The following RPL7L1 variants were observed in gnomAD, a reference collection of about 807,000 sequenced individuals.
RPL7L1 encodes ribosomal protein L7 like 1.
In RPL7L1, 20 loss-of-function variants were observed where a neutral mutation model predicts 30.3. The observed-to-expected ratio is 0.66, with a 90% CI of 0.46 to 0.96. RPL7L1 has a LOEUF of 0.96. RPL7L1 is among the 40% of genes least tolerant of loss of function. RPL7L1 has a pLI of 0.00. For missense variants in RPL7L1, 271 were observed against 314.9 expected, an observed-to-expected ratio of 0.86 and a Z score of 1.05; for synonymous variants, 107 against 110.1, an observed-to-expected ratio of 0.97 and a Z score of 0.18.
At position 42,886,091 on chromosome 6, in the gene RPL7L1, C is replaced by G. The variant is rs1310290688; in HGVS notation, c.559+8C>G. On this transcript the variant is annotated splice_region_variant and intron_variant, in intron 5 of 5. Transcript: ENST00000493763. ...TGATTGAGGAGCACCTGGGTGAGTG[C>G]TACAGCTTAGGGATCAGCTGGGGCA... is the stretch of plus-strand genomic sequence containing the variant. The G allele has an allele frequency of 2.0e-6, 3 of 1,522,880 alleles. No homozygotes were observed. Among genetic ancestry groups the G allele is most frequent in the Non-Finnish European group, 2.7e-6 (3 of 1,099,966 alleles). The allele number at this position is 1,522,880 out of a possible 1,614,324, so 94.3% of individuals were successfully genotyped here. A position where few individuals can be genotyped will look rare whatever the true frequency, so the allele number is the denominator to read the frequency against.
rs1467998401 is a variant in RPL7L1, at chr6:42,888,262, C to T, written c.*1798C>T. The T allele has an allele frequency of 6.6e-6, 1 of 152,280 alleles. No homozygotes were observed. The highest frequency in any genetic ancestry group is 1.5e-5 in the Non-Finnish European group (1 of 68,110). The allele number at this position is 152,280 out of a possible 1,614,324, so 9.4% of individuals were successfully genotyped here. ...CTCCACCTCCTGGGTTCAAGTGATTCTGCCTCAGCCCCTTGATCAGCTGGG... is the reference window on the plus strand; with the variant it reads ...CTCCACCTCCTGGGTTCAAGTGATTTTGCCTCAGCCCCTTGATCAGCTGGG... On this transcript the variant is annotated 3_prime_UTR_variant, in exon 6 of 6. Coordinates refer to ENST00000493763, the MANE Select transcript of RPL7L1 (RefSeq NM_001366481.3).
At chr6:42,886,230 G>A in intron 5 of RPL7L1, 26 bp from the exon 6 acceptor site, 1 of 1,592,604 alleles carries the variant, frequency 6.3e-7, no homozygotes, top group Non-Finnish European at 8.6e-7. Context: ...GTTAAATAAA[G>A]GAATCTGTGC....
intron 2 of RPL7L1, chr6:42,882,695 G>A (rs778343942): frequency 2.0e-5 from 3 of 151,854 alleles, no homozygotes; most frequent in Non-Finnish European, 4.4e-5. Context: ...ATCTCCTGAA[G>A]TCAGGAGTTT....
Position 42,886,601 on chromosome 6 carries a change from A to G in RPL7L1, c.*137A>G, listed in dbSNP as rs1246234988. ...ATTGGGAGGAATAGAGGAGGCTGGT[A>G]CAAATAGATGGAGACCTGCTGGGAT... On this transcript the variant is annotated 3_prime_UTR_variant, in exon 6 of 6. Coordinates refer to ENST00000493763, the MANE Select transcript of RPL7L1 (RefSeq NM_001366481.3). 13 of 638,476 alleles carry G rather than the reference A, an allele frequency of 2.0e-5. No individual in the cohort carries two copies. The highest frequency in any genetic ancestry group is 3.6e-5 in the Non-Finnish European group (13 of 360,350). 39.6% of individuals were successfully genotyped at this position (638,476 alleles called of 1,614,324 possible).
Position 42,889,554 on chromosome 6 carries a change from G to A in RPL7L1, c.*3090G>A, listed in dbSNP as rs1159906359. 6.6e-6 allele frequency: 1 copy of A among 152,204 alleles called. No individual in the cohort carries two copies. Among genetic ancestry groups the A allele is most frequent in the African/African-American group, 2.4e-5 (1 of 41,300 alleles). The allele number at this position is 152,204 out of a possible 1,614,324, so 9.4% of individuals were successfully genotyped here. On this transcript the variant is annotated 3_prime_UTR_variant, in exon 6 of 6. Transcript: ENST00000493763. ...TGTTACTCCTATACTGTAAAACATT[G>A]TGAAATCAGATTACTTTAAAATGAT...
intron 3 of RPL7L1, 87 bp downstream of exon 3, chr6:42,883,701 C>CA: frequency 9.0e-7 from 1 of 1,111,480 alleles, no homozygotes; most frequent in Non-Finnish European, 1.3e-6. Flanking sequence ...GATAATATGC[C>CA]CCAAGCCACT....
At chr6:42,885,585 GAGT>G (rs992543100) in intron 4 of RPL7L1, 1 of 166,650 alleles carries the variant, frequency 6.0e-6, no homozygotes, top group Non-Finnish European at 1.3e-5. Flanking sequence ...AAAAAAAAAA[GAGT>G]AGTATTCCTC....
At chr6:42,880,752 A>T (rs1766042046) in intron 1 of RPL7L1, 109 bp from the exon 2 acceptor site, 1 of 587,988 alleles carries the variant, frequency 1.7e-6, no homozygotes, top group East Asian at 3.0e-5. Flanking sequence ...ACCTCAGGTA[A>T]TCCACCCACC....
intron 4 of RPL7L1, 61 bp downstream of exon 4, chr6:42,884,811 C>G (rs376142354): frequency 3.3e-6 from 5 of 1,509,870 alleles, no homozygotes; most frequent in East Asian, 4.5e-5. Context: ...TCAGGGTGCA[C>G]CGGGTATTGC....
intron 3 of RPL7L1, 60 bp downstream of exon 3, chr6:42,883,674 A>G: frequency 7.1e-7 from 1 of 1,418,254 alleles, no homozygotes; most frequent in South Asian, 1.4e-5. Flanking sequence ...CTTAAGCTTT[A>G]GACCCCTTTC....
At chr6:42,885,197 A>G (rs1222737048) in intron 4 of RPL7L1, among the ~76,000 whole-genome samples, 1 of 152,046 alleles carries the variant, frequency 6.6e-6, no homozygotes, top group Non-Finnish European at 1.5e-5. Context: ...AAATACAAAA[A>G]AAATTAGCCA....
At chr6:42,880,303 G>A (rs1360004566) in intron 1 of RPL7L1, among the ~76,000 whole-genome samples, 1 of 152,140 alleles carries the variant, frequency 6.6e-6, no homozygotes, top group African/African-American at 2.4e-5. Flanking sequence ...TGAAAACCCT[G>A]TTAACTTATA....
At chr6:42,881,095 C>T (rs1429764726) in intron 2 of RPL7L1, 129 bp downstream of exon 2, 3 of 638,906 alleles carry the variant, frequency 4.7e-6, no homozygotes, top group Non-Finnish European at 5.6e-6. Context: ...ATAGTTGTCT[C>T]TCAGTGTCCT....
At position 42,883,634 on chromosome 6, in the gene RPL7L1, C is replaced by G. The variant is rs1176612793; in HGVS notation, c.311+20C>G. The G allele has an allele frequency of 6.4e-7, 1 of 1,560,064 alleles. No homozygotes were observed. Among genetic ancestry groups the G allele is most frequent in the Admixed American group, 2.0e-5 (1 of 50,338 alleles). ...CGAAAGGTAAGGAACTGGTGTCTTTCTAATTGCATGAGGCTGGGGCAAAGT... is the reference window on the plus strand; with the variant it reads ...CGAAAGGTAAGGAACTGGTGTCTTTGTAATTGCATGAGGCTGGGGCAAAGT... On this transcript the variant is annotated intron_variant, in intron 3 of 5. Coordinates refer to ENST00000493763, the MANE Select transcript of RPL7L1 (RefSeq NM_001366481.3).
chr6:42,880,206 C>G, intron 1 of RPL7L1, among the ~76,000 whole-genome samples: 1 of 152,114 alleles, frequency 6.6e-6, no homozygotes, highest in Admixed American at 6.5e-5. Context: ...TCACCCAGCC[C>G]GACAAGTGTT....
At chr6:42,883,839 G>T in intron 3 of RPL7L1, 1 of 276,642 alleles carries the variant, frequency 3.6e-6, no homozygotes, top group Non-Finnish European at 6.8e-6. Context: ...AGGGGTTGAG[G>T]ACACCCTCTC....
chr6:42,879,817 A>G lies in RPL7L1; in HGVS notation c.-94A>G. The G allele has an allele frequency of 7.3e-7, 1 of 1,374,122 alleles. No homozygotes were observed. 85.1% of individuals were successfully genotyped at this position (1,374,122 alleles called of 1,614,324 possible). Reference sequence around the variant, plus strand: ...TCAAGGGCTCACTGCGGCTAAGTGAACGCTGACTGGTCCTCCAGCGTGAGC... The same window carrying G: ...TCAAGGGCTCACTGCGGCTAAGTGAGCGCTGACTGGTCCTCCAGCGTGAGC... On this transcript the variant is annotated 5_prime_UTR_variant, in exon 1 of 6. Transcript: ENST00000493763.
chr6:42,885,177 G>A (rs141666971), intron 4 of RPL7L1, among the ~76,000 whole-genome samples: 4 of 151,340 alleles, frequency 2.6e-5, no homozygotes, highest in African/African-American at 7.3e-5. Flanking sequence ...TGAAACCCCT[G>A]TCTCTACTAA....
intron 1 of RPL7L1, 47 bp from the exon 2 acceptor site, chr6:42,880,814 A>C (rs745822578): frequency 8.9e-7 from 1 of 1,122,598 alleles, no homozygotes; most frequent in African/African-American, 1.5e-5. Context: ...AGCCCGGCCA[A>C]GTGTTCTTTT....
Sources: allele counts gnomAD v4.1 joint callset (sites outside exome capture counted in the v4.1 genomes callset), GRCh38; gene constraint gnomAD v4.1.1; transcripts MANE v1.5; gene names NCBI Gene and HGNC (gene_info 2026-07-23, HGNC 2026-07-21).